Variants in P2RY12 observed in about 807,000 individuals in gnomAD.
The protein encoded by P2RY12 is P2Y purinoceptor 12.
Under a neutral mutation model 4.5 loss-of-function variants are expected in P2RY12, and 3 were observed. The observed-to-expected ratio is 0.67, with a 90% CI of 0.31 to 1.74. P2RY12 has a LOEUF of 1.74. Among genes scored for constraint, P2RY12 ranks in the 40% most tolerant of loss-of-function variants. The pLI is 0.09. For synonymous variants in P2RY12, 148 were observed against 154.1 expected (o/e 0.96, Z 0.29); for missense variants, 356 against 407.8 (o/e 0.87, Z 1.09).
At chr3:151,368,059 A>G in intron 1 of P2RY12, 1 of 1,067,206 alleles carries the variant, frequency 9.4e-7, no homozygotes, top group Non-Finnish European at 1.4e-6. Flanking sequence ...TATTTAAATA[A>G]TTATTCCAGG....
At chr3:151,377,531 G>A (rs1432813363) in intron 1 of P2RY12, among the ~76,000 whole-genome samples, 1 of 152,076 alleles carries the variant, frequency 6.6e-6, no homozygotes, top group Non-Finnish European at 1.5e-5. Context: ...TAATTTTTGT[G>A]CAGAATTAGA....
chr3:151,342,995 C>A (rs1274571896), intron 1 of P2RY12, among the ~76,000 whole-genome samples: 1 of 152,084 alleles, frequency 6.6e-6, no homozygotes, highest in Non-Finnish European at 1.5e-5. Context: ...CCCATTCTGA[C>A]CTGTGCTGTC....
intron 1 of P2RY12, chr3:151,376,083 C>T: frequency 6.2e-7 from 1 of 1,610,794 alleles, no homozygotes; most frequent in Admixed American, 1.7e-5. Flanking sequence ...AGACAAAGAA[C>T]TTATATTGGA....
intron 1 of P2RY12, among the ~76,000 whole-genome samples, chr3:151,348,737 AAGAC>A (rs1438305987): frequency 1.1e-4 from 16 of 152,318 alleles, no homozygotes; most frequent in African/African-American, 3.4e-4. Context: ...GTCCCTGAGA[AAGAC>A]AGACCGACAC....
chr3:151,384,149 A>C (rs757769299), intron 1 of P2RY12: 3 of 1,613,934 alleles, frequency 1.9e-6, no homozygotes, highest in South Asian at 2.2e-5. Context: ...CCTCTGACCT[A>C]TCAAATGCAT....
chr3:151,354,901 C>A (rs1218184578), intron 1 of P2RY12, among the ~76,000 whole-genome samples: 1 of 152,138 alleles, frequency 6.6e-6, no homozygotes, highest in African/African-American at 2.4e-5. Flanking sequence ...GGATTTTGAT[C>A]TCCTAGGGAG....
chr3:151,357,321 C>A, intron 1 of P2RY12: 1 of 1,613,690 alleles, frequency 6.2e-7, no homozygotes, highest in Admixed American at 1.7e-5. Context: ...TGTTCTCAGG[C>A]GCTATCACAG....
chr3:151,365,982 C>T lies in P2RY12; in HGVS notation c.-180+18710G>A, dbSNP rs1435111692. On this transcript the variant is annotated intron_variant, in intron 1 of 2. Transcript: ENST00000302632. ...TGTGGGGGTTTAATGATGTACTTTG[C>T]ACTGTAGATGTAAGTTTTCTTTTTC... 3.8e-6 allele frequency: 6 copies of T among 1,585,304 alleles called. No homozygotes were observed. The East Asian group carries it at 1.3e-4, about 36-fold the overall frequency.
At chr3:151,360,584 G>A (rs773273458) in intron 1 of P2RY12, 56 of 1,612,348 alleles carry the variant, frequency 3.5e-5, no homozygotes, top group Non-Finnish European at 4.6e-5. Context: ...CACCTCAGAA[G>A]TAAATTTGGA....
Position 151,368,662 on chromosome 3 carries a change from T to G in P2RY12, c.-180+16030A>C, listed in dbSNP as rs12635308. ...TTCATTTCATTTCATTTCATTTCAT[T>G]TCATTTCATTTCATGTCATTTCATT... On this transcript the variant is annotated intron_variant, in intron 1 of 2. Coordinates refer to ENST00000302632, the MANE Select transcript of P2RY12 (RefSeq NM_022788.5). 4.8e-3 allele frequency among the ~76,000 whole-genome samples: 253 copies of G among 52,328 alleles called. 2 individuals are homozygous for G. Among genetic ancestry groups the G allele is most frequent in the African/African-American group, 0.012 (139 of 11,660 alleles). 34.3% of individuals were successfully genotyped at this position (52,328 alleles called of 152,430 possible). A position where few individuals can be genotyped will look rare whatever the true frequency, so the allele number is the denominator to read the frequency against.
At chr3:151,379,017 C>T (rs1577501533) in intron 1 of P2RY12, among the ~76,000 whole-genome samples, 2 of 152,168 alleles carry the variant, frequency 1.3e-5, no homozygotes, top group South Asian at 4.1e-4. Context: ...CCAGGACACA[C>T]AGTGAAGGAC....
intron 1 of P2RY12, among the ~76,000 whole-genome samples, chr3:151,372,129 G>A (rs1425365010): frequency 5.3e-5 from 8 of 152,132 alleles, no homozygotes; most frequent in African/African-American, 1.7e-4. Flanking sequence ...CTTTTCTCTT[G>A]ACCTATGGAT....
At position 151,355,868 on chromosome 3, in the gene P2RY12, T is replaced by TA. The variant is rs758243337; in HGVS notation, c.-179-15109dup. The stretch of plus-strand genomic sequence containing the variant: ...AAAAGATTATTTAGAATATTGGTCT[T>TA]ACAATATTTTTGTTTTTATTTGCAC... On this transcript the variant is annotated intron_variant, in intron 1 of 2. Transcript: ENST00000302632. 21 of 1,575,422 alleles carry TA rather than the reference T, an allele frequency of 1.3e-5. 1 individual carries two copies. The South Asian group carries it at 1.6e-4, about 12-fold the overall frequency.
chr3:151,350,286 A>C (rs534428353), intron 1 of P2RY12: 20 of 1,401,066 alleles, frequency 1.4e-5, no homozygotes, highest in Non-Finnish European at 1.8e-5. Flanking sequence ...AAAGTGTTCT[A>C]TGTCACTGTC....
intron 1 of P2RY12, chr3:151,367,861 G>A (rs531005270): frequency 2.2e-6 from 3 of 1,394,230 alleles, no homozygotes; most frequent in East Asian, 4.6e-5. Context: ...GTATTTGAGG[G>A]TATGTATATT....
chr3:151,380,737 T>G (rs1204195012), intron 1 of P2RY12, among the ~76,000 whole-genome samples: 1 of 152,124 alleles, frequency 6.6e-6, no homozygotes, highest in Non-Finnish European at 1.5e-5. Flanking sequence ...ATATATACAA[T>G]AAATGTGTAC....
At chr3:151,368,179 G>A in intron 1 of P2RY12, 1 of 1,614,026 alleles carries the variant, frequency 6.2e-7, no homozygotes, top group Non-Finnish European at 8.5e-7. Flanking sequence ...CGAGCCTGGG[G>A]CGAGAATGAC....
At chr3:151,348,449 C>T (rs1752830739) in intron 1 of P2RY12, among the ~76,000 whole-genome samples, 1 of 151,940 alleles carries the variant, frequency 6.6e-6, no homozygotes, top group African/African-American at 2.4e-5. Flanking sequence ...GATGCGCAGC[C>T]AGCTCTAGGG....
intron 1 of P2RY12, chr3:151,378,259 ACC>A: frequency 3.1e-6 from 4 of 1,278,212 alleles, no homozygotes; most frequent in Non-Finnish European, 4.2e-6. Flanking sequence ...TGGTCACTGT[ACC>A]CACAGTCCAC....
Sources: allele counts gnomAD v4.1 joint callset (sites outside exome capture counted in the v4.1 genomes callset), GRCh38; gene constraint gnomAD v4.1.1; transcripts MANE v1.5; gene names NCBI Gene and HGNC (gene_info 2026-07-23, HGNC 2026-07-21).